MMD2: variants seen among roughly 807,000 people sequenced by gnomAD.
MMD2 encodes monocyte to macrophage differentiation factor 2.
Under a neutral mutation model 33.5 loss-of-function variants are expected in MMD2, and 30 were observed. That is an observed-to-expected ratio of 0.90 (90% CI 0.67 to 1.22). The LOEUF (loss-of-function observed/expected upper bound fraction) is 1.22, where lower values mean the gene tolerates loss of function less well. Ranked by LOEUF, MMD2 falls within the 50% of genes most tolerant of loss-of-function variation. The probability of loss-of-function intolerance (pLI) is 0.00; values close to 1 mark genes in which losing one functional copy is unlikely to be tolerated. For missense variants in MMD2, 364 were observed against 325.4 expected, an observed-to-expected ratio of 1.12 and a Z score of -0.91; for synonymous variants, 129 against 123.0, an observed-to-expected ratio of 1.05 and a Z score of -0.32.
intron 1 of MMD2, among the ~76,000 whole-genome samples, chr7:4,941,083 C>A (rs1203781246): frequency 6.6e-6 from 1 of 152,140 alleles, no homozygotes; most frequent in African/African-American, 2.4e-5. Flanking sequence ...GGAGGGGTCG[C>A]CCCAACAAAG....
At chr7:4,945,186 T>TTCTTCTTCTTCTTCTTCTTCC (rs1786028243) in intron 1 of MMD2, among the ~76,000 whole-genome samples, 2 of 10,100 alleles carry the variant, frequency 2.0e-4, no homozygotes, top group Non-Finnish European at 5.4e-4. Context: ...CTCTTCCTCT[T>TTCTTCTTCTTCTTCTTCTTCC]TCTTCTTCTT....
intron 4 of MMD2, among the ~76,000 whole-genome samples, chr7:4,911,718 G>A (rs971165892): frequency 1.3e-5 from 2 of 150,982 alleles, no homozygotes; most frequent in Non-Finnish European, 2.9e-5. Context: ...GCACAATCTC[G>A]GCTCACTGCA....
intron 1 of MMD2, among the ~76,000 whole-genome samples, chr7:4,930,308 A>G (rs1448209429): frequency 6.9e-6 from 1 of 145,798 alleles, no homozygotes; most frequent in Non-Finnish European, 1.5e-5. Context: ...AGACTGCAGT[A>G]GGGTGGGCCC....
At chr7:4,910,062 G>C (rs762268624) in intron 5 of MMD2, 112 bp from the exon 6 acceptor site, 3 of 1,609,268 alleles carry the variant, frequency 1.9e-6, no homozygotes, top group Non-Finnish European at 2.5e-6. Flanking sequence ...ACAGTGAGAA[G>C]AAAGGACGCT....
chr7:4,942,429 TA>T (rs1785936390), intron 1 of MMD2, among the ~76,000 whole-genome samples: 2 of 149,920 alleles, frequency 1.3e-5, no homozygotes, highest in African/African-American at 4.9e-5. Context: ...TTTTTTTAAT[TA>T]AAAAATTTTT....
chr7:4,925,671 C>G (rs1785407181), intron 1 of MMD2, 139 bp from the exon 2 acceptor site: 1 of 521,498 alleles, frequency 1.9e-6, no homozygotes. Flanking sequence ...CTCCCCCTCT[C>G]TCTCTGTCTT....
Position 4,920,341 on chromosome 7 carries a change from C to T in MMD2, c.130-10G>A, listed in dbSNP as rs751387776. 1.0e-5 allele frequency: 16 copies of T among 1,602,200 alleles called. No homozygotes were observed. The South Asian group carries it at 1.8e-4, about 18-fold the overall frequency. On this transcript the variant is annotated splice_polypyrimidine_tract_variant and intron_variant, in intron 2 of 6. Coordinates refer to ENST00000401401, the MANE Select transcript of MMD2 (RefSeq NM_198403.4). ...TGGGGATGATCCAGAACTGGAGGGG[C>T]AGGGACGGCAGGGACAGGTGCAGCA...
rs888667708 is a variant in MMD2, at chr7:4,907,513, G to T, written c.624C>A (p.Ile208=). 3.1e-6 allele frequency: 5 copies of T among 1,613,892 alleles called. No individual in the cohort carries two copies. The highest frequency in any genetic ancestry group is 2.2e-5 in the East Asian group (1 of 44,872). Residue 208 remains isoleucine (I), a synonymous_variant, in exon 7 of 7, where the codon ATC becomes ATA. Coordinates refer to ENST00000401401, the MANE Select transcript of MMD2 (RefSeq NM_198403.4). ...GATGCCAGATGGCGTGGGCAAAGGGGATCCTCCCGTCACTCTTGAAGAAGA... is the reference window on the plus strand; with the variant it reads ...GATGCCAGATGGCGTGGGCAAAGGGTATCCTCCCGTCACTCTTGAAGAAGA... The part of the protein sequence containing the change: ...GMVFFKSDGR[I]PFAHAIWHLF...
intron 1 of MMD2, among the ~76,000 whole-genome samples, chr7:4,942,285 G>GGA (rs940524364): frequency 2.9e-5 from 4 of 138,818 alleles, no homozygotes; most frequent in African/African-American, 1.3e-4. Flanking sequence ...CTGTAGAGAT[G>GGA]GGGGGGGTCT....
chr7:4,937,414 G>T (rs1384659539), intron 1 of MMD2, among the ~76,000 whole-genome samples: 1 of 149,522 alleles, frequency 6.7e-6, no homozygotes, highest in East Asian at 2.0e-4. Flanking sequence ...AAAAAAGAAA[G>T]AAAAAGAAAG....
chr7:4,952,091 C>A (rs1228342914), intron 1 of MMD2, among the ~76,000 whole-genome samples: 6 of 152,204 alleles, frequency 3.9e-5, no homozygotes, highest in African/African-American at 1.4e-4. Context: ...GGGTAGTGGA[C>A]AAGCCAGGGA....
intron 4 of MMD2, among the ~76,000 whole-genome samples, chr7:4,912,886 T>C (rs1013417756): frequency 1.3e-5 from 2 of 152,046 alleles, no homozygotes; most frequent in Non-Finnish European, 2.9e-5. Context: ...GTATTTGTAG[T>C]AGAGATGGGG....
chr7:4,940,065 G>C lies in MMD2; in HGVS notation c.48-14533C>G, dbSNP rs1043824813. On this transcript the variant is annotated intron_variant, in intron 1 of 6. Coordinates refer to ENST00000401401, the MANE Select transcript of MMD2 (RefSeq NM_198403.4). This position sits in a 1 kb window ranked among gnomAD's most constrained non-coding sequence, Gnocchi z 5.0. Reference sequence around the variant, plus strand: ...CCCAATCTATTTCTATAAATTTCAAGAACAGGCAGCGCAGGTCTGTTGAAG... The same window carrying C: ...CCCAATCTATTTCTATAAATTTCAACAACAGGCAGCGCAGGTCTGTTGAAG... 2.6e-5 allele frequency among the ~76,000 whole-genome samples: 4 copies of C among 152,184 alleles called. No homozygotes were observed. The highest frequency in any genetic ancestry group is 9.7e-5 in the African/African-American group (4 of 41,446).
intron 1 of MMD2, among the ~76,000 whole-genome samples, chr7:4,956,040 G>A (rs1311818070): frequency 6.6e-6 from 1 of 151,524 alleles, no homozygotes; most frequent in African/African-American, 2.4e-5. Context: ...GTGACAGAGT[G>A]AGACTCCAAC....
At chr7:4,899,475 G>A in the MMD2 span, among the ~76,000 whole-genome samples, 26 of 151,486 alleles carry the variant, frequency 1.7e-4, 1 homozygote, top group African/African-American at 5.6e-4. Flanking sequence ...TGCAGCCTCC[G>A]CTTCCTGGGT....
chr7:4,938,087 C>G (rs1007278971), intron 1 of MMD2, among the ~76,000 whole-genome samples: 2 of 124,052 alleles, frequency 1.6e-5, no homozygotes, highest in Non-Finnish European at 3.2e-5. Context: ...TCTCAGCTCA[C>G]TGCAACCTCC....
At chr7:4,926,584 C>T (rs943108532) in intron 1 of MMD2, among the ~76,000 whole-genome samples, 1 of 152,036 alleles carries the variant, frequency 6.6e-6, no homozygotes, top group East Asian at 1.9e-4. Context: ...AGGGAAACCA[C>T]CCTCTGCCGT....
chr7:4,954,773 C>G (rs564783488), intron 1 of MMD2, among the ~76,000 whole-genome samples: 3 of 152,196 alleles, frequency 2.0e-5, no homozygotes, highest in South Asian at 4.2e-4. Context: ...ATGATTTGTA[C>G]TTTATGTGCC....
At chr7:4,956,144 T>G (rs566081167) in intron 1 of MMD2, among the ~76,000 whole-genome samples, 37 of 152,120 alleles carry the variant, frequency 2.4e-4, no homozygotes, top group Non-Finnish European at 4.9e-4. Flanking sequence ...TTCAATCAGC[T>G]GGGTGCAGTG....
Sources: allele counts gnomAD v4.1 joint callset (sites outside exome capture counted in the v4.1 genomes callset), GRCh38; gene constraint gnomAD v4.1.1; non-coding constraint Gnocchi (gnomAD v3.1); transcripts MANE v1.5; gene names NCBI Gene and HGNC (gene_info 2026-07-23, HGNC 2026-07-21).